The following MARCHF1 variants were observed in gnomAD, a reference collection of about 807,000 sequenced individuals.
MARCHF1 encodes membrane associated ring-CH-type finger 1.
In MARCHF1, 40 loss-of-function variants were observed where a neutral mutation model predicts 54.2. The ratio of observed to expected loss-of-function variants is 0.74; its 90% confidence interval spans 0.57 to 0.96. The LOEUF (loss-of-function observed/expected upper bound fraction) is 0.96, where lower values mean the gene tolerates loss of function less well. Among genes scored for constraint, MARCHF1 ranks in the 40% least tolerant of loss-of-function variants. The pLI, the probability that MARCHF1 is intolerant of heterozygous loss-of-function variation, is 0.00. For synonymous variants in MARCHF1, 236 were observed against 236.3 expected (o/e 1.00, Z 0.01); for missense variants, 586 against 656.5 (o/e 0.89, Z 1.17).
chr4:163,646,591 C>T (rs1742767942), intron 5 of MARCHF1, among the ~76,000 whole-genome samples: 1 of 151,556 alleles, frequency 6.6e-6, no homozygotes, highest in Admixed American at 6.6e-5. Flanking sequence ...TTAAGGAATA[C>T]ACAATATAAA....
chr4:164,140,154 GGCACACACACACTCAT>G (rs1380447963), intron 1 of MARCHF1, among the ~76,000 whole-genome samples: 3 of 150,070 alleles, frequency 2.0e-5, no homozygotes, highest in Admixed American at 6.7e-5. Flanking sequence ...AAGATACATA[GGCACACACACACTCAT>G]GCACACACAC....
At chr4:164,255,616 G>A (rs1323351171) in intron 1 of MARCHF1, among the ~76,000 whole-genome samples, 2 of 151,668 alleles carry the variant, frequency 1.3e-5, no homozygotes, top group African/African-American at 2.4e-5. Flanking sequence ...ACAAAAAAAT[G>A]GAAAAAGTAA....
intron 3 of MARCHF1, among the ~76,000 whole-genome samples, chr4:163,871,307 T>G (rs1156310467): frequency 6.6e-6 from 1 of 152,188 alleles, no homozygotes; most frequent in Non-Finnish European, 1.5e-5. Context: ...AGCATTGCTT[T>G]TTACATGCTC....
chr4:163,675,066 G>A (rs1156877914), intron 5 of MARCHF1, among the ~76,000 whole-genome samples: 2 of 152,016 alleles, frequency 1.3e-5, no homozygotes, highest in African/African-American at 4.8e-5. Context: ...TGCTAAATAA[G>A]AGGAAAAAGG....
chr4:163,632,767 C>CCT (rs1466436817), intron 5 of MARCHF1, among the ~76,000 whole-genome samples: 1 of 152,248 alleles, frequency 6.6e-6, no homozygotes, highest in South Asian at 2.1e-4. Context: ...GGCCTGCCTG[C>CCT]CTCTGTAGGC....
At chr4:164,195,170 T>A (rs1384830833) in intron 1 of MARCHF1, among the ~76,000 whole-genome samples, 1 of 152,154 alleles carries the variant, frequency 6.6e-6, no homozygotes, top group East Asian at 1.9e-4. Context: ...CTAAGTTCTT[T>A]GAGGTCATGA....
chr4:163,568,584 T>C (rs1344021610), intron 8 of MARCHF1, among the ~76,000 whole-genome samples: 1 of 152,166 alleles, frequency 6.6e-6, no homozygotes, highest in Non-Finnish European at 1.5e-5. Context: ...GATACCTTTA[T>C]GACAATGAAA....
At position 163,544,331 on chromosome 4, in the gene MARCHF1, T is replaced by C. The variant is rs144680485; in HGVS notation, c.1339+1265A>G. 3.3e-5 allele frequency among the ~76,000 whole-genome samples: 5 copies of C among 152,284 alleles called. No individual in the cohort carries two copies. The South Asian group carries it at 6.2e-4, about 19-fold the overall frequency. On this transcript the variant is annotated intron_variant, in intron 9 of 9. Transcript: ENST00000514618. ...TGTAAATGAGTTAATATGGAATAAA[T>C]AAACACATAAAAACAACCCACAAAA...
intron 5 of MARCHF1, among the ~76,000 whole-genome samples, chr4:163,664,810 T>A (rs1481748816): frequency 6.6e-6 from 1 of 152,094 alleles, no homozygotes; most frequent in Non-Finnish European, 1.5e-5. Context: ...AAAGACATTC[T>A]ATCAGCAGGG....
intron 1 of MARCHF1, among the ~76,000 whole-genome samples, chr4:164,344,458 TTG>T (rs144379635): frequency 0.092 from 13,610 of 147,390 alleles, 647 homozygotes; most frequent in Non-Finnish European, 0.1. Context: ...ATGCACGTGT[TTG>T]TGTGTGTGTG....
At chr4:163,993,192 G>A (rs1298062537) in intron 2 of MARCHF1, among the ~76,000 whole-genome samples, 1 of 152,008 alleles carries the variant, frequency 6.6e-6, no homozygotes, top group Non-Finnish European at 1.5e-5. Context: ...GAAATAATGA[G>A]AGGGAGTATA....
chr4:163,919,920 A>G (rs577428246), intron 3 of MARCHF1, among the ~76,000 whole-genome samples: 14 of 152,202 alleles, frequency 9.2e-5, no homozygotes, highest in Non-Finnish European at 1.6e-4. Flanking sequence ...ATAAATAAAA[A>G]GAATAGAATA....
rs557367334 is a variant in MARCHF1, at chr4:164,189,557, T to G, written c.-322-77895A>C. On this transcript the variant is annotated intron_variant, in intron 1 of 9. Transcript: ENST00000514618. ...GGCATAAACCCAGATGAAGCTGTAG[T>G]GCATGGTGCTGCTGTCCAGGCTGGA... 6.6e-6 allele frequency: 6 copies of G among 910,170 alleles called. No individual in the cohort carries two copies. In the South Asian group the frequency reaches 8.2e-5, roughly 12 times the overall value. 56.4% of individuals were successfully genotyped at this position (910,170 alleles called of 1,614,324 possible).
At chr4:164,373,476 T>A (rs1282078904) in intron 1 of MARCHF1, among the ~76,000 whole-genome samples, 5 of 143,476 alleles carry the variant, frequency 3.5e-5, no homozygotes, top group Non-Finnish European at 7.5e-5. Context: ...TGCCTCAGCC[T>A]CCCCAGTAGC....
At chr4:163,629,278 A>G (rs1375803830) in intron 5 of MARCHF1, among the ~76,000 whole-genome samples, 1 of 152,210 alleles carries the variant, frequency 6.6e-6, no homozygotes, top group Non-Finnish European at 1.5e-5. Context: ...CTGATCTTTG[A>G]CAAACCTGAC....
chr4:163,870,808 A>G (rs1203471636), intron 3 of MARCHF1, among the ~76,000 whole-genome samples: 1 of 152,162 alleles, frequency 6.6e-6, no homozygotes, highest in Middle Eastern at 3.2e-3. Context: ...AAGAGAGAGT[A>G]GAATAGTGGT....
intron 1 of MARCHF1, among the ~76,000 whole-genome samples, chr4:164,364,267 T>A (rs1730814797): frequency 2.0e-5 from 3 of 152,084 alleles, no homozygotes; most frequent in Admixed American, 2.0e-4. Flanking sequence ...TGCAAGTTCA[T>A]ATAGTCAGTA....
intron 3 of MARCHF1, among the ~76,000 whole-genome samples, chr4:163,930,384 G>C (rs926207307): frequency 6.6e-6 from 1 of 151,808 alleles, no homozygotes. Flanking sequence ...GGAGAGTTGG[G>C]ACTCAGACCT....
chr4:163,879,319 G>C (rs1402733739), intron 3 of MARCHF1, among the ~76,000 whole-genome samples: 1 of 152,134 alleles, frequency 6.6e-6, no homozygotes, highest in Admixed American at 6.6e-5. Flanking sequence ...TAGTATAGCT[G>C]TCCCTAGTAA....
Sources: gnomAD v4.1 joint callset for allele counts (sites outside exome capture counted in the v4.1 genomes callset) on GRCh38, gnomAD v4.1.1 for gene constraint, MANE v1.5 for transcripts, NCBI Gene and HGNC (gene_info 2026-07-23, HGNC 2026-07-21) for gene names.